ADAMTS16: variants seen among roughly 807,000 people sequenced by gnomAD.
The protein encoded by ADAMTS16 is ADAM metallopeptidase with thrombospondin type 1 motif 16.
In ADAMTS16, 94 loss-of-function variants were observed where a neutral mutation model predicts 145.8. The observed-to-expected ratio is 0.64, with a 90% CI of 0.55 to 0.77. The LOEUF (loss-of-function observed/expected upper bound fraction) is 0.77. Among genes scored for constraint, ADAMTS16 ranks in the 30% least tolerant of loss-of-function variants. ADAMTS16 has a pLI of 0.00. For missense variants in ADAMTS16, 1,585 were observed against 1,591.5 expected (o/e 1.00, Z 0.07); for synonymous variants, 659 against 604.3 (o/e 1.09, Z -1.33).
chr5:5,263,990 G>C (rs1396089589), intron 18 of ADAMTS16, among the ~76,000 whole-genome samples: 1 of 152,116 alleles, frequency 6.6e-6, no homozygotes, highest in Non-Finnish European at 1.5e-5. Flanking sequence ...AGCTGGAGAG[G>C]GGATGAGAAT....
Position 5,320,285 on chromosome 5 carries a change from A to G in ADAMTS16, c.*1147A>G. On this transcript the variant is annotated 3_prime_UTR_variant, in exon 23 of 23. Transcript: ENST00000274181. The surrounding 1 kb of genome is among the most constrained non-coding windows in gnomAD (Gnocchi z 5.1). The stretch of plus-strand genomic sequence containing the variant: ...TATATTTGCTGAAGTTTTATAATAA[A>G]GTTTATATGGTACAGTGTGCTTCTG... The G allele has an allele frequency of 4.1e-6, 1 of 243,750 alleles. No homozygotes were observed. 15.1% of individuals were successfully genotyped at this position (243,750 alleles called of 1,614,324 possible).
intron 18 of ADAMTS16, among the ~76,000 whole-genome samples, chr5:5,297,087 A>C (rs16875288): frequency 6.6e-6 from 1 of 152,022 alleles, no homozygotes; most frequent in Admixed American, 6.6e-5. Flanking sequence ...AATGTGCATC[A>C]CCTTGCTTCT....
At chr5:5,289,650 A>C (rs1383732124) in intron 18 of ADAMTS16, among the ~76,000 whole-genome samples, 2 of 152,260 alleles carry the variant, frequency 1.3e-5, no homozygotes, top group African/African-American at 4.8e-5. Context: ...TTAAATCAGC[A>C]GGTGGCAACC....
At chr5:5,303,152 G>A (rs11949096) in intron 18 of ADAMTS16, 116 bp from the exon 19 acceptor site, 6 of 1,132,794 alleles carry the variant, frequency 5.3e-6, no homozygotes, top group East Asian at 2.7e-5. Flanking sequence ...TGAAAATAAC[G>A]GCACACACAC....
chr5:5,232,508 C>T lies in ADAMTS16; in HGVS notation c.1842C>T (p.Thr614=). ...GGVSHRSRLC[T]NPKPSHGGKF... ...TATCTCATAGGAGTCGCCTCTGCACCAACCCCAAGTAAGTATGCCTTGACC... is the reference window on the plus strand; with the variant it reads ...TATCTCATAGGAGTCGCCTCTGCACTAACCCCAAGTAAGTATGCCTTGACC... The change falls in exon 12 of 23, where the codon ACC becomes ACT. Residue 614 remains threonine, a synonymous_variant. Transcript: ENST00000274181. The T allele has an allele frequency of 6.2e-7, 1 of 1,613,314 alleles. No individual in the cohort carries two copies. The highest frequency in any genetic ancestry group is 8.5e-7 in the Non-Finnish European group (1 of 1,179,858).
At chr5:5,202,780 AG>A (rs1384805600) in intron 9 of ADAMTS16, among the ~76,000 whole-genome samples, 5 of 152,204 alleles carry the variant, frequency 3.3e-5, no homozygotes, top group South Asian at 2.1e-4. Flanking sequence ...TGAAAAAATC[AG>A]GGGATTATAA....
chr5:5,272,943 G>C (rs1039965482), intron 18 of ADAMTS16, among the ~76,000 whole-genome samples: 3 of 152,220 alleles, frequency 2.0e-5, no homozygotes, highest in Non-Finnish European at 2.9e-5. Flanking sequence ...TCTGGAATGA[G>C]AGCCAGTTTT....
chr5:5,182,428 C>T (rs1735368263), intron 4 of ADAMTS16, 123 bp downstream of exon 4: 1 of 1,295,640 alleles, frequency 7.7e-7, no homozygotes, highest in Non-Finnish European at 1.0e-6. Context: ...ACTGTCGTTG[C>T]TAAACTGAAG....
At chr5:5,206,110 A>C (rs560842970) in intron 9 of ADAMTS16, among the ~76,000 whole-genome samples, 8 of 152,048 alleles carry the variant, frequency 5.3e-5, no homozygotes, top group Non-Finnish European at 1.0e-4. Flanking sequence ...ATCCATTGTG[A>C]GTTAGTTTTT....
intron 10 of ADAMTS16, among the ~76,000 whole-genome samples, chr5:5,215,019 C>T (rs950337062): frequency 5.3e-5 from 8 of 152,118 alleles, no homozygotes; most frequent in African/African-American, 1.9e-4. Flanking sequence ...ACAGTAGAGT[C>T]ACTCAGAAAT....
intron 3 of ADAMTS16, among the ~76,000 whole-genome samples, chr5:5,181,116 A>G (rs1735326630): frequency 6.6e-6 from 1 of 152,122 alleles, no homozygotes; most frequent in African/African-American, 2.4e-5. Flanking sequence ...ACACATTCAC[A>G]CCTGTTCACT....
At chr5:5,295,455 T>C (rs1288231968) in intron 18 of ADAMTS16, among the ~76,000 whole-genome samples, 1 of 152,152 alleles carries the variant, frequency 6.6e-6, no homozygotes, top group African/African-American at 2.4e-5. Flanking sequence ...CATAAACAGA[T>C]TGGAGGACAG....
intron 11 of ADAMTS16, chr5:5,223,124 C>G (rs1736652536): frequency 1.9e-6 from 1 of 521,292 alleles, no homozygotes; most frequent in Non-Finnish European, 3.4e-6. Context: ...AGAAATCAGA[C>G]AACAGGTGAT....
At chr5:5,196,817 C>T (rs1735819493) in intron 8 of ADAMTS16, among the ~76,000 whole-genome samples, 1 of 152,114 alleles carries the variant, frequency 6.6e-6, no homozygotes, top group African/African-American at 2.4e-5. Context: ...TTTTACTATC[C>T]CATTTTATAT....
chr5:5,212,777 A>G (rs1736313278), intron 10 of ADAMTS16, among the ~76,000 whole-genome samples: 2 of 152,194 alleles, frequency 1.3e-5, no homozygotes, highest in South Asian at 4.1e-4. Flanking sequence ...GTCTATTTAT[A>G]TTGAATGTAA....
At chr5:5,272,422 C>T (rs1579364886) in intron 18 of ADAMTS16, among the ~76,000 whole-genome samples, 3 of 138,084 alleles carry the variant, frequency 2.2e-5, no homozygotes, top group East Asian at 4.4e-4. Context: ...AGTGCAGTGG[C>T]GCAATCTCGG....
chr5:5,146,138 C>T lies in ADAMTS16; in HGVS notation c.184C>T (p.Leu62=). The part of the protein sequence containing the change: ...PGWMEKGEYD[L]VSAYEVDHRG... ...CACTCTTTTGATTTCAGAATATGAC[C>T]TGGTCTCTGCCTACGAGGTTGACCA... The change falls in exon 3 of 23, where the codon CTG becomes TTG. Residue 62 remains leucine, a synonymous_variant. Transcript: ENST00000274181. 6.2e-7 allele frequency: 1 copy of T among 1,613,120 alleles called. No homozygotes were observed. Among genetic ancestry groups the T allele is most frequent in the South Asian group, 1.1e-5 (1 of 91,052 alleles).
At chr5:5,239,101 T>C (rs550858870) in intron 14 of ADAMTS16, 50 bp from the exon 15 acceptor site, 1 of 1,427,870 alleles carries the variant, frequency 7.0e-7, no homozygotes, top group Non-Finnish European at 9.2e-7. Flanking sequence ...ACAGTATTGC[T>C]GTGTTGTCCT....
At chr5:5,168,597 AT>A (rs1734949878) in intron 3 of ADAMTS16, among the ~76,000 whole-genome samples, 1 of 42,392 alleles carries the variant, frequency 2.4e-5, no homozygotes, top group East Asian at 5.8e-4. Flanking sequence ...ATTATATATA[AT>A]ATATAATTAT....
Sources: gnomAD v4.1 joint callset for allele counts (sites outside exome capture counted in the v4.1 genomes callset) on GRCh38, gnomAD v4.1.1 for gene constraint, Gnocchi (gnomAD v3.1) non-coding constraint, MANE v1.5 for transcripts, NCBI Gene and HGNC (gene_info 2026-07-23, HGNC 2026-07-21) for gene names.